WNT5A: variants seen among roughly 807,000 people sequenced by gnomAD.
WNT5A encodes the protein protein Wnt-5a.
A neutral mutation model predicts 42.1 loss-of-function variants in WNT5A; 9 were observed. The observed-to-expected ratio is 0.21, with a 90% CI of 0.13 to 0.37. The LOEUF is 0.37. WNT5A is among the 10% of genes least tolerant of loss of function. The probability of loss-of-function intolerance (pLI) is 1.00; values close to 1 mark genes in which losing one functional copy is unlikely to be tolerated. For missense variants in WNT5A, 426 were observed against 534.0 expected, an observed-to-expected ratio of 0.80 and a Z score of 1.99; for synonymous variants, 210 against 210.0, an observed-to-expected ratio of 1.00 and a Z score of 0.00.
intron 1 of WNT5A, among the ~76,000 whole-genome samples, chr3:55,484,799 G>A (rs905217324): frequency 6.6e-6 from 1 of 152,082 alleles, no homozygotes; most frequent in Non-Finnish European, 1.5e-5. Flanking sequence ...TCCAGAGGTG[G>A]AGCAGAGTCC....
At position 55,470,417 on chromosome 3, in the gene WNT5A, G is replaced by A. The variant is rs771812000; in HGVS notation, c.818C>T (p.Ala273Val). The change falls in exon 5 of 5, where the codon GCG (alanine) becomes GTG (valine). Residue 273 changes from alanine to valine, a missense_variant. Ala to Val is a moderately conservative substitution (Grantham distance 64, BLOSUM62 0). Around this residue, in one of 3 missense-constraint regions of WNT5A, gnomAD observed 358 missense variants for 468.1 expected, o/e 0.76. Coordinates refer to ENST00000264634, the MANE Select transcript of WNT5A (RefSeq NM_003392.7). ...GDALKEKYDS[A>V]AAMRLNSRGK... ...CCGGCTGTTGAGCCGCATGGCCGCC[G>A]CGCTGTCGTACTTCTCCTTCAGGGC... 10 of 1,612,872 alleles carry A rather than the reference G, an allele frequency of 6.2e-6. No individual in the cohort carries two copies. Among genetic ancestry groups the A allele is most frequent in the Non-Finnish European group, 8.5e-6 (10 of 1,179,456 alleles).
At chr3:55,476,582 T>C (rs2051362421) in intron 3 of WNT5A, among the ~76,000 whole-genome samples, 1 of 152,210 alleles carries the variant, frequency 6.6e-6, no homozygotes, top group Admixed American at 6.5e-5. Flanking sequence ...ATACAGAGCA[T>C]AAGAAGGCTT....
chr3:55,479,201 GA>G, intron 3 of WNT5A, 112 bp downstream of exon 3: 1 of 1,232,586 alleles, frequency 8.1e-7, no homozygotes. Flanking sequence ...GCCACCACCC[GA>G]GCTGGAAGGC....
rs144158972 is a variant in WNT5A at position 55,476,302 on chromosome 3, G to A, written c.392-1673C>T. Among the ~76,000 whole-genome samples the A allele has an allele frequency of 6.3e-3, 953 of 152,326 alleles. 3 individuals carry two copies. The highest frequency in any genetic ancestry group is 0.01 in the Non-Finnish European group (711 of 68,030). ...CCCATATTTTCAAAATGAATGACTTGAAGGTGTGTGCTGGTGGTTGGCAGG... is the reference window on the plus strand; with the variant it reads ...CCCATATTTTCAAAATGAATGACTTAAAGGTGTGTGCTGGTGGTTGGCAGG... On this transcript the variant is annotated intron_variant, in intron 3 of 4. Coordinates refer to ENST00000264634, the MANE Select transcript of WNT5A (RefSeq NM_003392.7).
At chr3:55,498,977 G>A in the WNT5A span, among the ~76,000 whole-genome samples, 1 of 152,176 alleles carries the variant, frequency 6.6e-6, no homozygotes, top group Non-Finnish European at 1.5e-5. Flanking sequence ...CCTCGTTAGA[G>A]CCCTCGGGTC....
upstream of WNT5A, among the ~76,000 whole-genome samples, chr3:55,488,551 G>A (rs2051618765): frequency 6.6e-6 from 1 of 152,016 alleles, no homozygotes; most frequent in Non-Finnish European, 1.5e-5. Context: ...TGGTGAGGCC[G>A]GCCTATGACA....
At position 55,480,014 on chromosome 3, in the gene WNT5A, A is replaced by G. The variant is rs1334179829; in HGVS notation, c.141-450T>C. ...AGGAGATAGCAGTTCCTTTTGACTG[A>G]TGGAAGAACAGAGGGACAAGTATAC... On this transcript the variant is annotated intron_variant, in intron 2 of 4. Coordinates refer to ENST00000264634, the MANE Select transcript of WNT5A (RefSeq NM_003392.7). Among the ~76,000 whole-genome samples, 3 of 152,254 alleles carry G rather than the reference A, an allele frequency of 2.0e-5. No individual in the cohort carries two copies. The East Asian group carries it at 5.8e-4, about 30-fold the overall frequency.
Position 55,468,610 on chromosome 3 carries a change from G to T in WNT5A, c.*1482C>A, listed in dbSNP as rs1351158782. On this transcript the variant is annotated 3_prime_UTR_variant, in exon 5 of 5. Coordinates refer to ENST00000264634, the MANE Select transcript of WNT5A (RefSeq NM_003392.7). ...GAGTAAACTGTAAATCTAAATCACT[G>T]GCTGCAATGAGATATATTTATATTT... 1 of 150,708 alleles carries T rather than the reference G, an allele frequency of 6.6e-6. No homozygotes were observed. Among genetic ancestry groups the T allele is most frequent in the African/African-American group, 2.4e-5 (1 of 41,096 alleles). The allele number at this position is 150,708 out of a possible 1,614,324, so 9.3% of individuals were successfully genotyped here.
At chr3:55,501,581 T>C in the WNT5A span, 1 of 152,248 alleles carries the variant, frequency 6.6e-6, no homozygotes, top group African/African-American at 2.4e-5. Context: ...GTACAAAATC[T>C]GGAATCCAAT....
At position 55,474,476 on chromosome 3, in the gene WNT5A, C is replaced by A; in HGVS notation, c.545G>T (p.Cys182Phe). 1 of 1,601,326 alleles carries A rather than the reference C, an allele frequency of 6.2e-7. No individual in the cohort carries two copies. The highest frequency in any genetic ancestry group is 8.5e-7 in the Non-Finnish European group (1 of 1,175,320). Residue 182 changes from cysteine to phenylalanine, a missense_variant, in exon 4 of 5, where the codon TGC becomes TTC. By Grantham distance (205) the Cys-to-Phe change is radical. Transcript: ENST00000264634. ...GTAGCCATAGTCGATGTTGTCGCCG[C>A]AGCCGCCCCAGAGCCAGTCCCGCGG... ...DLPRDWLWGG[C>F]GDNIDYGYRF...
chr3:55,500,783 A>C, the WNT5A span, among the ~76,000 whole-genome samples: 1 of 152,252 alleles, frequency 6.6e-6, no homozygotes, highest in Non-Finnish European at 1.5e-5. Flanking sequence ...GCACCAACAA[A>C]GAGAATCAGA....
At chr3:55,472,186 C>T (rs183116313) in intron 4 of WNT5A, among the ~76,000 whole-genome samples, 1 of 152,178 alleles carries the variant, frequency 6.6e-6, no homozygotes, top group Admixed American at 6.5e-5. Context: ...TCAAATTTAC[C>T]CCAAAAAAAC....
At chr3:55,472,974 A>C (rs917299746) in intron 4 of WNT5A, among the ~76,000 whole-genome samples, 2 of 152,146 alleles carry the variant, frequency 1.3e-5, no homozygotes. Flanking sequence ...CAATAACCTC[A>C]GGTAATTGTA....
chr3:55,466,911 G>T lies in WNT5A; in HGVS notation c.*3181C>A, dbSNP rs951077684. ...AATGCATTCTTGGCATCCTTAAAAGGTTTCAATATGTTACAAGGTTATCCG... is the reference window on the plus strand; with the variant it reads ...AATGCATTCTTGGCATCCTTAAAAGTTTTCAATATGTTACAAGGTTATCCG... On this transcript the variant is annotated 3_prime_UTR_variant, in exon 5 of 5. Coordinates refer to ENST00000264634, the MANE Select transcript of WNT5A (RefSeq NM_003392.7). The T allele has an allele frequency of 4.6e-5, 7 of 152,408 alleles. No homozygotes were observed. Among genetic ancestry groups the T allele is most frequent in the African/African-American group, 1.7e-4 (7 of 41,424 alleles). 9.4% of individuals were successfully genotyped at this position (152,408 alleles called of 1,614,324 possible).
upstream of WNT5A, chr3:55,494,053 A>G (rs1202333893): frequency 6.6e-6 from 1 of 152,222 alleles, no homozygotes; most frequent in Non-Finnish European, 1.5e-5. Flanking sequence ...GATCATCTAC[A>G]TGCTGGGTTT....
At position 55,470,275 on chromosome 3, in the gene WNT5A, C is replaced by A. The variant is rs2106887807; in HGVS notation, c.960G>T (p.Thr320=). 1 of 1,613,992 alleles carries A rather than the reference C, an allele frequency of 6.2e-7. No homozygotes were observed. Among genetic ancestry groups the A allele is most frequent in the Non-Finnish European group, 8.5e-7 (1 of 1,179,918 alleles). The stretch of plus-strand genomic sequence containing the variant: ...ACGTCTTGTTGCACAGGCGGCCCTG[C>A]GTGCCCAGCGAGCCGGTGCTCTCAT... ...VRNESTGSLG[T]QGRLCNKTSE... Residue 320 remains threonine (T), a synonymous_variant, in exon 5 of 5, where the codon ACG becomes ACT. Coordinates refer to ENST00000264634, the MANE Select transcript of WNT5A (RefSeq NM_003392.7).
intron 1 of WNT5A, among the ~76,000 whole-genome samples, chr3:55,484,699 C>T (rs1346990759): frequency 2.3e-5 from 1 of 44,060 alleles, no homozygotes; most frequent in East Asian, 4.4e-4. Context: ...CACACACACA[C>T]ACACACACAC....
In WNT5A at chr3:55,483,619, G is replaced by A. The variant is rs2051512065; in HGVS notation, c.7-2701C>T. On this transcript the variant is annotated intron_variant, in intron 1 of 4. Transcript: ENST00000264634. This position sits in a 1 kb window ranked among gnomAD's most constrained non-coding sequence, Gnocchi z 4.2. ...GGGAAGATGACTCTGTAAGGACACT[G>A]AGAATCTTCCTCGCGTGCCACGGGG... is the stretch of plus-strand genomic sequence containing the variant. 6.6e-6 allele frequency among the ~76,000 whole-genome samples: 1 copy of A among 152,206 alleles called. No individual in the cohort carries two copies. Among genetic ancestry groups the A allele is most frequent in the Admixed American group, 6.5e-5 (1 of 15,288 alleles).
At position 55,483,785 on chromosome 3, in the gene WNT5A, G is replaced by C. The variant is rs2051514993; in HGVS notation, c.7-2867C>G. On this transcript the variant is annotated intron_variant, in intron 1 of 4. Coordinates refer to ENST00000264634, the MANE Select transcript of WNT5A (RefSeq NM_003392.7). The surrounding 1 kb of genome is among the most constrained non-coding windows in gnomAD (Gnocchi z 4.2). ...TGTATCCCTCAAAGCCTTCGCGTCG[G>C]ATTAAAGGTGTTCTTGATCCTTCTT... is the stretch of plus-strand genomic sequence containing the variant. 6.6e-6 allele frequency among the ~76,000 whole-genome samples: 1 copy of C among 152,160 alleles called. No individual in the cohort carries two copies. Among genetic ancestry groups the C allele is most frequent in the Non-Finnish European group, 1.5e-5 (1 of 68,028 alleles).
Sources: allele counts gnomAD v4.1 joint callset (sites outside exome capture counted in the v4.1 genomes callset), GRCh38; gene constraint gnomAD v4.1.1; regional missense constraint gnomAD v4.1.1; non-coding constraint Gnocchi (gnomAD v3.1); transcripts MANE v1.5; gene names NCBI Gene and HGNC (gene_info 2026-07-23, HGNC 2026-07-21).